Variants in ADGRB3 observed in about 807,000 individuals in gnomAD.
ADGRB3 encodes adhesion G protein-coupled receptor B3, also known as brain-specific angiogenesis inhibitor 3.
Under a neutral mutation model 193.4 loss-of-function variants are expected in ADGRB3, and 37 were observed. The observed-to-expected ratio is 0.19, with a 90% CI of 0.15 to 0.25. The LOEUF (loss-of-function observed/expected upper bound fraction) is 0.25. Among genes scored for constraint, ADGRB3 ranks in the 10% least tolerant of loss-of-function variants. ADGRB3 has a pLI of 1.00. For missense variants in ADGRB3, 1,637 were observed against 1,852.9 expected (o/e 0.88, Z 2.14); for synonymous variants, 690 against 644.2 (o/e 1.07, Z -1.08).
intron 3 of ADGRB3, among the ~76,000 whole-genome samples, chr6:68,834,510 C>T (rs1197549229): frequency 1.3e-5 from 2 of 152,036 alleles, no homozygotes; most frequent in Admixed American, 6.6e-5. Context: ...GATGATTCCC[C>T]TCTGTGACGA....
chr6:69,170,458 CCTAT>C (rs1187186290), intron 17 of ADGRB3, among the ~76,000 whole-genome samples: 2 of 152,132 alleles, frequency 1.3e-5, no homozygotes, highest in African/African-American at 2.4e-5. Context: ...CTAGAATAGG[CCTAT>C]CTGTCCCTTT....
intron 15 of ADGRB3, 140 bp downstream of exon 15, chr6:69,049,486 A>T (rs1460624696): frequency 3.3e-6 from 2 of 598,386 alleles, no homozygotes; most frequent in Admixed American, 7.2e-5. Context: ...TACAAATTTA[A>T]TGAACAGGCT....
At chr6:68,910,119 C>G (rs1163793294) in intron 3 of ADGRB3, among the ~76,000 whole-genome samples, 1 of 152,134 alleles carries the variant, frequency 6.6e-6, no homozygotes, top group East Asian at 1.9e-4. Context: ...GAGATGGTAT[C>G]TCATTGTGGT....
intron 17 of ADGRB3, among the ~76,000 whole-genome samples, chr6:69,087,245 AG>A (rs1323391684): frequency 6.6e-6 from 1 of 152,218 alleles, no homozygotes; most frequent in Non-Finnish European, 1.5e-5. Flanking sequence ...AAAGATAAAA[AG>A]TTTAACATTA....
chr6:69,061,656 C>T (rs1771753097), intron 15 of ADGRB3, among the ~76,000 whole-genome samples: 1 of 151,878 alleles, frequency 6.6e-6, no homozygotes, highest in Admixed American at 6.6e-5. Context: ...AGGTTTTAAC[C>T]TAATTGATAA....
At chr6:69,376,082 C>CTTTTTTTT (rs58780409) in intron 30 of ADGRB3, among the ~76,000 whole-genome samples, 3 of 67,382 alleles carry the variant, frequency 4.5e-5, no homozygotes, top group Non-Finnish European at 8.4e-5. Context: ...ATTATGTAGC[C>CTTTTTTTT]TTTTTTTTTT....
chr6:69,112,205 G>A (rs1773386140), intron 17 of ADGRB3, among the ~76,000 whole-genome samples: 1 of 152,138 alleles, frequency 6.6e-6, no homozygotes, highest in South Asian at 2.1e-4. Context: ...GGCTGGTAGT[G>A]CTACTTTGTC....
rs561285597 is a variant in ADGRB3, at chr6:69,203,738, T to C, written c.2481-29552T>C. ...CATCTTTCTTCTAAACTAACAAATA[T>C]GCATAATCCGCACAAACTGAGCCTC... On this transcript the variant is annotated intron_variant, in intron 17 of 31. Transcript: ENST00000370598. Among the ~76,000 whole-genome samples the C allele has an allele frequency of 2.0e-5, 3 of 152,164 alleles. No individual in the cohort carries two copies. In the South Asian group the frequency reaches 6.2e-4, roughly 32 times the overall value.
intron 10 of ADGRB3, among the ~76,000 whole-genome samples, chr6:68,990,813 A>C (rs956472402): frequency 6.6e-6 from 1 of 152,178 alleles, no homozygotes; most frequent in Non-Finnish European, 1.5e-5. Context: ...TCAGACATTA[A>C]TTATTTACCG....
intron 15 of ADGRB3, among the ~76,000 whole-genome samples, chr6:69,062,180 A>G (rs1404784525): frequency 6.6e-6 from 1 of 151,980 alleles, no homozygotes; most frequent in East Asian, 1.9e-4. Context: ...GATGATCTGC[A>G]GCATTTTACA....
At chr6:69,053,920 T>C (rs1211995682) in intron 15 of ADGRB3, among the ~76,000 whole-genome samples, 3 of 152,200 alleles carry the variant, frequency 2.0e-5, no homozygotes, top group African/African-American at 7.2e-5. Context: ...AATAAATGGT[T>C]ATAAACAATC....
chr6:69,079,069 A>G (rs551574122), intron 17 of ADGRB3, among the ~76,000 whole-genome samples: 2 of 152,232 alleles, frequency 1.3e-5, no homozygotes, highest in Admixed American at 1.3e-4. Context: ...AGAATGTTTC[A>G]GCTTGTTAAA....
chr6:68,952,240 T>G (rs1384396238), intron 6 of ADGRB3, among the ~76,000 whole-genome samples: 2 of 151,298 alleles, frequency 1.3e-5, no homozygotes, highest in Admixed American at 6.6e-5. Context: ...CATTAATAAT[T>G]TTTTTTAATC....
chr6:69,264,338 C>G (rs968609737), intron 20 of ADGRB3, among the ~76,000 whole-genome samples: 1 of 151,944 alleles, frequency 6.6e-6, no homozygotes, highest in African/African-American at 2.4e-5. Flanking sequence ...TGCTAAAAAA[C>G]TATCAGTGTG....
chr6:69,106,164 T>TAAAAAAAAAAAAAAAAAAAAAAAA (rs61114782), intron 17 of ADGRB3, among the ~76,000 whole-genome samples: 33 of 91,048 alleles, frequency 3.6e-4, no homozygotes, highest in East Asian at 2.5e-3. Flanking sequence ...GAGACTGCGT[T>TAAAAAAAAAAAAAAAAAAAAAAAA]AAAAAAAAAA....
At chr6:68,747,322 T>C (rs1267124542) in intron 3 of ADGRB3, among the ~76,000 whole-genome samples, 4 of 152,166 alleles carry the variant, frequency 2.6e-5, no homozygotes, top group African/African-American at 9.7e-5. Flanking sequence ...CAATGAATCA[T>C]CCATTAATGC....
intron 3 of ADGRB3, among the ~76,000 whole-genome samples, chr6:68,716,007 T>C (rs753424201): frequency 5.3e-5 from 8 of 151,694 alleles, no homozygotes; most frequent in Non-Finnish European, 1.2e-4. Context: ...AAATGCCAAA[T>C]ATTTGACTTA....
At chr6:68,997,633 A>G (rs1002144522) in intron 11 of ADGRB3, among the ~76,000 whole-genome samples, 3 of 148,928 alleles carry the variant, frequency 2.0e-5, no homozygotes, top group African/African-American at 7.5e-5. Context: ...GGCCTGGGTG[A>G]CAGAGTGACA....
intron 17 of ADGRB3, among the ~76,000 whole-genome samples, chr6:69,081,781 G>A (rs1772393389): frequency 6.6e-6 from 1 of 151,854 alleles, no homozygotes; most frequent in Non-Finnish European, 1.5e-5. Flanking sequence ...AAATTTGTTA[G>A]CACATAAGCA....
Sources: allele counts gnomAD v4.1 joint callset (sites outside exome capture counted in the v4.1 genomes callset), GRCh38; gene constraint gnomAD v4.1.1; transcripts MANE v1.5; gene names NCBI Gene and HGNC (gene_info 2026-07-23, HGNC 2026-07-21).